Variants in AGMO observed in about 807,000 individuals in gnomAD.
AGMO encodes alkylglycerol monooxygenase.
AGMO carries 75 observed loss-of-function variants against 60.2 expected under a neutral mutation model. That is an observed-to-expected ratio of 1.25 (90% CI 1.03 to 1.51). The LOEUF is 1.51. Among genes scored for constraint, AGMO ranks in the 40% most tolerant of loss-of-function variants. AGMO has a pLI of 0.00. For synonymous variants in AGMO, 261 were observed against 177.1 expected, an observed-to-expected ratio of 1.47 and a Z score of -3.76; for missense variants, 763 against 525.5, an observed-to-expected ratio of 1.45 and a Z score of -4.42.
At chr7:15,353,963 A>T (rs990009860) in intron 12 of AGMO, among the ~76,000 whole-genome samples, 1 of 152,164 alleles carries the variant, frequency 6.6e-6, no homozygotes, top group Non-Finnish European at 1.5e-5. Context: ...ATACAAAGCC[A>T]ATACATTTTG....
At chr7:15,326,040 C>A (rs1044427545) in intron 12 of AGMO, among the ~76,000 whole-genome samples, 20 of 151,980 alleles carry the variant, frequency 1.3e-4, no homozygotes, top group Non-Finnish European at 2.6e-4. Context: ...AGGAAATATT[C>A]TCATTAGAAG....
downstream of AGMO, among the ~76,000 whole-genome samples, chr7:15,199,214 G>C (rs1001577457): frequency 6.6e-6 from 1 of 151,988 alleles, no homozygotes; most frequent in African/African-American, 2.4e-5. Flanking sequence ...TTACCTGTCT[G>C]GTAACCACTC....
chr7:15,428,044 T>A (rs1053963447), intron 4 of AGMO, among the ~76,000 whole-genome samples: 1 of 152,178 alleles, frequency 6.6e-6, no homozygotes, highest in African/African-American at 2.4e-5. Context: ...CACAGATCAA[T>A]TTTCTTTTCA....
chr7:15,448,693 C>A (rs73068588), intron 3 of AGMO, among the ~76,000 whole-genome samples: 179 of 144,914 alleles, frequency 1.2e-3, no homozygotes, highest in Non-Finnish European at 2.1e-3. Context: ...TTAAATTTTG[C>A]TTTTGAATTA....
chr7:15,525,758 G>T (rs1398000913), intron 3 of AGMO, among the ~76,000 whole-genome samples: 1 of 152,118 alleles, frequency 6.6e-6, no homozygotes, highest in Non-Finnish European at 1.5e-5. Flanking sequence ...CAGCCCAGGA[G>T]CCCCAGGCTG....
At chr7:15,391,449 G>A (rs1784134299) in intron 6 of AGMO, among the ~76,000 whole-genome samples, 1 of 151,790 alleles carries the variant, frequency 6.6e-6, no homozygotes, top group African/African-American at 2.4e-5. Flanking sequence ...TATTTTTCCT[G>A]CCGCTAAATA....
chr7:15,309,842 T>A (rs1780718526), intron 12 of AGMO, among the ~76,000 whole-genome samples: 1 of 152,148 alleles, frequency 6.6e-6, no homozygotes, highest in African/African-American at 2.4e-5. Context: ...TTGTTCCCCA[T>A]CTTTAATAAA....
chr7:15,545,192 A>G (rs1486378975), intron 2 of AGMO, among the ~76,000 whole-genome samples: 1 of 152,074 alleles, frequency 6.6e-6, no homozygotes, highest in Non-Finnish European at 1.5e-5. Flanking sequence ...GCCATTTTTT[A>G]TGTCTCTTAA....
chr7:15,460,889 T>A (rs1417081105), intron 3 of AGMO, among the ~76,000 whole-genome samples: 1 of 152,192 alleles, frequency 6.6e-6, no homozygotes, highest in African/African-American at 2.4e-5. Flanking sequence ...TTATTATTAA[T>A]GAAATAATGA....
intron 10 of AGMO, among the ~76,000 whole-genome samples, chr7:15,371,200 T>C (rs1290426854): frequency 6.6e-6 from 1 of 151,704 alleles, no homozygotes; most frequent in South Asian, 2.1e-4. Context: ...AATAATTTAA[T>C]ATTAAATATT....
chr7:15,470,805 C>T (rs1782434149), intron 3 of AGMO, among the ~76,000 whole-genome samples: 1 of 151,688 alleles, frequency 6.6e-6, no homozygotes, highest in African/African-American at 2.4e-5. Context: ...GTTAGAATAC[C>T]AATAAACATA....
intron 12 of AGMO, among the ~76,000 whole-genome samples, chr7:15,223,009 CTA>C (rs2128497438): frequency 6.6e-6 from 1 of 151,744 alleles, no homozygotes; most frequent in South Asian, 2.1e-4. Flanking sequence ...GTGTGCATGT[CTA>C]TGATTGTGTG....
the AGMO span, among the ~76,000 whole-genome samples, chr7:15,149,826 A>G: frequency 6.6e-5 from 10 of 152,056 alleles, no homozygotes; most frequent in Admixed American, 1.3e-4. Context: ...GTATTTTAGA[A>G]TAGTTTTCCT....
intron 12 of AGMO, among the ~76,000 whole-genome samples, chr7:15,318,299 C>T (rs934319703): frequency 2.0e-5 from 3 of 151,936 alleles, no homozygotes; most frequent in African/African-American, 7.3e-5. Flanking sequence ...TCACTGTGCC[C>T]GTCCTACATG....
intron 12 of AGMO, among the ~76,000 whole-genome samples, chr7:15,287,393 C>T (rs1313913856): frequency 6.6e-6 from 1 of 152,126 alleles, no homozygotes; most frequent in Non-Finnish European, 1.5e-5. Context: ...GTCCTCCTCA[C>T]CACGCAGAGA....
intron 12 of AGMO, among the ~76,000 whole-genome samples, chr7:15,337,129 G>A (rs1781689525): frequency 1.3e-5 from 2 of 152,158 alleles, no homozygotes; most frequent in South Asian, 4.1e-4. Flanking sequence ...GGGATAAGGA[G>A]CAAGGACTTT....
At chr7:15,379,439 A>G (rs1048247977) in intron 10 of AGMO, among the ~76,000 whole-genome samples, 5 of 152,208 alleles carry the variant, frequency 3.3e-5, no homozygotes, top group African/African-American at 1.2e-4. Flanking sequence ...ATTATCAATG[A>G]CCCCACAGAA....
At chr7:15,561,599 T>A in intron 1 of AGMO, 121 bp downstream of exon 1, 1 of 1,019,230 alleles carries the variant, frequency 9.8e-7, no homozygotes. Flanking sequence ...GAAACTGAAT[T>A]ATTATTATTA....
At chr7:15,424,035 T>G (rs1368005378) in intron 4 of AGMO, among the ~76,000 whole-genome samples, 1 of 152,214 alleles carries the variant, frequency 6.6e-6, no homozygotes, top group African/African-American at 2.4e-5. Flanking sequence ...TTTTTACAGA[T>G]GTTGTCCTTC....
Sources: gnomAD v4.1 joint callset for allele counts (sites outside exome capture counted in the v4.1 genomes callset) on GRCh38, gnomAD v4.1.1 for gene constraint, MANE v1.5 for transcripts, NCBI Gene and HGNC (gene_info 2026-07-23, HGNC 2026-07-21) for gene names.